ZMIZ1: variants seen among roughly 807,000 people sequenced by gnomAD.
ZMIZ1 encodes the protein zinc finger MIZ domain-containing protein 1.
ZMIZ1 carries 17 observed loss-of-function variants against 113.9 expected under a neutral mutation model. That is an observed-to-expected ratio of 0.15 (90% CI 0.10 to 0.22). ZMIZ1 has a LOEUF of 0.22. ZMIZ1 is among the 10% of genes least tolerant of loss of function. ZMIZ1 has a pLI of 1.00. For missense variants in ZMIZ1, 1,059 were observed against 1,477.8 expected, an observed-to-expected ratio of 0.72 and a Z score of 4.65; for synonymous variants, 607 against 603.1, an observed-to-expected ratio of 1.01 and a Z score of -0.09.
chr10:79,292,369 A>G lies in ZMIZ1; in HGVS notation c.957+13A>G. The G allele has an allele frequency of 1.3e-6, 2 of 1,596,562 alleles. No individual in the cohort carries two copies. Among genetic ancestry groups the G allele is most frequent in the Non-Finnish European group, 1.7e-6 (2 of 1,166,640 alleles). On this transcript the variant is annotated intron_variant, in intron 11 of 24. Coordinates refer to ENST00000334512, the MANE Select transcript of ZMIZ1 (RefSeq NM_020338.4). ...CCAGTATGGACCGGTAAGGGTTCCC[A>G]CTAATCCTGGTCCAGCCTTGCCCAG...
chr10:79,165,509 G>A (rs1004962519), intron 4 of ZMIZ1, among the ~76,000 whole-genome samples: 3 of 151,156 alleles, frequency 2.0e-5, no homozygotes, highest in Non-Finnish European at 3.0e-5. Flanking sequence ...GGGTGTGATT[G>A]TTCAGCAGGA....
intron 1 of ZMIZ1, among the ~76,000 whole-genome samples, chr10:79,103,885 G>C (rs764744372): frequency 4.3e-4 from 65 of 152,210 alleles, no homozygotes; most frequent in Non-Finnish European, 1.8e-4. Context: ...CTGCCCAAAA[G>C]GCTGGACAAG....
At chr10:79,176,133 C>T (rs1244316305) in intron 4 of ZMIZ1, among the ~76,000 whole-genome samples, 3 of 152,114 alleles carry the variant, frequency 2.0e-5, no homozygotes, top group Non-Finnish European at 2.9e-5. Context: ...ACAGACCGCA[C>T]GTGTTCCGGA....
intron 2 of ZMIZ1, among the ~76,000 whole-genome samples, chr10:79,127,838 G>T (rs769861751): frequency 4.6e-5 from 7 of 152,168 alleles, no homozygotes; most frequent in Non-Finnish European, 1.0e-4. Flanking sequence ...GGCTGGGGCT[G>T]CCAGTGGCGC....
chr10:79,116,508 G>A (rs758929497), intron 1 of ZMIZ1, among the ~76,000 whole-genome samples: 1 of 152,172 alleles, frequency 6.6e-6, no homozygotes, highest in Non-Finnish European at 1.5e-5. Context: ...AGCATGGTAG[G>A]AAGGGGAAGG....
At chr10:79,089,988 C>G (rs942101023) in intron 1 of ZMIZ1, among the ~76,000 whole-genome samples, 5 of 152,204 alleles carry the variant, frequency 3.3e-5, no homozygotes, top group African/African-American at 1.2e-4. Context: ...AATCATTATG[C>G]AGGATTAAGC....
At chr10:79,144,662 C>G (rs1367599169) in intron 3 of ZMIZ1, among the ~76,000 whole-genome samples, 2 of 152,208 alleles carry the variant, frequency 1.3e-5, no homozygotes, top group Non-Finnish European at 1.5e-5. Context: ...TCCATTGTGC[C>G]TATTGTTTAA....
intron 4 of ZMIZ1, among the ~76,000 whole-genome samples, chr10:79,186,340 C>T (rs985615739): frequency 6.6e-6 from 1 of 152,224 alleles, no homozygotes; most frequent in African/African-American, 2.4e-5. Context: ...CCTTGCACTT[C>T]CACAGGAGAA....
intron 7 of ZMIZ1, among the ~76,000 whole-genome samples, chr10:79,253,843 G>T (rs1465068766): frequency 6.6e-6 from 1 of 151,996 alleles, no homozygotes; most frequent in Non-Finnish European, 1.5e-5. Context: ...TGGATGCATG[G>T]GCCTGCACAC....
At chr10:79,202,056 CAAAA>C (rs55985942) in intron 5 of ZMIZ1, among the ~76,000 whole-genome samples, 1 of 71,954 alleles carries the variant, frequency 1.4e-5, no homozygotes, top group Admixed American at 1.7e-4. Context: ...CAGTCGTTCT[CAAAA>C]AAAAAAAAAA....
In ZMIZ1 at chr10:79,129,825, G is replaced by T. The variant is rs142470291; in HGVS notation, c.-226-9857G>T. Among the ~76,000 whole-genome samples the T allele has an allele frequency of 2.0e-5, 3 of 152,366 alleles. No homozygotes were observed. The East Asian group carries it at 5.8e-4, about 29-fold the overall frequency. The stretch of plus-strand genomic sequence containing the variant: ...GGGAGGGATCGCACTGGCCCTTCCG[G>T]TGCATTGATGGAGTGCACTGCTGAC... On this transcript the variant is annotated intron_variant, in intron 2 of 24. Coordinates refer to ENST00000334512, the MANE Select transcript of ZMIZ1 (RefSeq NM_020338.4).
At chr10:79,105,820 A>C (rs976015531) in intron 1 of ZMIZ1, among the ~76,000 whole-genome samples, 4 of 152,270 alleles carry the variant, frequency 2.6e-5, no homozygotes, top group Non-Finnish European at 5.9e-5. Flanking sequence ...AGCTAATGGC[A>C]GTTTCGATGG....
At chr10:79,258,308 C>G (rs1851045974) in intron 7 of ZMIZ1, among the ~76,000 whole-genome samples, 1 of 152,132 alleles carries the variant, frequency 6.6e-6, no homozygotes, top group Admixed American at 6.5e-5. Flanking sequence ...AGCTTGAGCC[C>G]AGGAGGTCGA....
chr10:79,146,500 G>A (rs1845490294), intron 3 of ZMIZ1, among the ~76,000 whole-genome samples: 1 of 152,194 alleles, frequency 6.6e-6, no homozygotes, highest in Admixed American at 6.5e-5. Context: ...ACTGGTCCAG[G>A]TGCAGCATGT....
At chr10:79,289,964 C>A in intron 9 of ZMIZ1, 75 bp downstream of exon 9, 1 of 1,389,484 alleles carries the variant, frequency 7.2e-7, no homozygotes, top group Non-Finnish European at 1.0e-6. Context: ...GCCATACCAG[C>A]CCTCTTCACC....
intron 6 of ZMIZ1, 68 bp from the exon 7 acceptor site, chr10:79,216,101 G>A: frequency 8.2e-7 from 1 of 1,213,230 alleles, no homozygotes. Context: ...CACTTCACCT[G>A]CAAAATGGGC....
At chr10:79,085,716 C>G (rs1393649715) in intron 1 of ZMIZ1, among the ~76,000 whole-genome samples, 1 of 152,216 alleles carries the variant, frequency 6.6e-6, no homozygotes, top group Admixed American at 6.5e-5. Flanking sequence ...CTGAGAACCT[C>G]TTTTTCAGGA....
chr10:79,127,662 G>C (rs1844577710), intron 2 of ZMIZ1, among the ~76,000 whole-genome samples: 1 of 152,082 alleles, frequency 6.6e-6, no homozygotes, highest in South Asian at 2.1e-4. Context: ...GCCCAGCCAG[G>C]ACTCCAACCA....
chr10:79,299,309 C>G, intron 16 of ZMIZ1, 118 bp downstream of exon 16: 1 of 1,383,892 alleles, frequency 7.2e-7, no homozygotes, highest in Non-Finnish European at 9.6e-7. Flanking sequence ...GACACCTTCA[C>G]GTGTTCAGCA....
Sources: allele counts gnomAD v4.1 joint callset (sites outside exome capture counted in the v4.1 genomes callset), GRCh38; gene constraint gnomAD v4.1.1; transcripts MANE v1.5; gene names NCBI Gene and HGNC (gene_info 2026-07-23, HGNC 2026-07-21).